The following PRKD1 variants were observed in gnomAD, a reference collection of about 807,000 sequenced individuals.
The protein encoded by PRKD1 is serine/threonine-protein kinase D1.
In PRKD1, 63 loss-of-function variants were observed where a neutral mutation model predicts 95.9. That is an observed-to-expected ratio of 0.66 (90% CI 0.54 to 0.81). The LOEUF is 0.81. Ranked by LOEUF, PRKD1 falls within the 30% of genes least tolerant of loss-of-function variation. PRKD1 has a pLI of 0.00. For missense variants in PRKD1, 1,048 were observed against 1,165.3 expected (o/e 0.90, Z 1.47); for synonymous variants, 425 against 423.1 (o/e 1.00, Z -0.05).
intron 16 of PRKD1, among the ~76,000 whole-genome samples, chr14:29,595,983 C>T (rs1249794842): frequency 1.3e-5 from 2 of 152,212 alleles, no homozygotes; most frequent in Non-Finnish European, 2.9e-5. Flanking sequence ...TTACACTTTA[C>T]TTTTCATCTT....
rs529824504 is a variant in PRKD1, at chr14:29,761,985, T to C, written c.265-36311A>G. On this transcript the variant is annotated intron_variant, in intron 1 of 17. Coordinates refer to ENST00000331968, the MANE Select transcript of PRKD1 (RefSeq NM_002742.3). ...TGGGGTCTCACTATGTTCCCCAGGA[T>C]GGCCTTGAACTTTGAGGCTCAAATA... 2.2e-4 allele frequency among the ~76,000 whole-genome samples: 34 copies of C among 152,082 alleles called. 1 individual carries two copies. The highest frequency in any genetic ancestry group is 1.6e-3 in the Admixed American group (25 of 15,278).
At chr14:29,788,033 T>C (rs1401194964) in intron 1 of PRKD1, among the ~76,000 whole-genome samples, 4 of 152,192 alleles carry the variant, frequency 2.6e-5, no homozygotes, top group Admixed American at 2.0e-4. Flanking sequence ...CTTTCATATG[T>C]TTTCATGTGG....
At chr14:29,620,691 G>A (rs1879187772) in intron 13 of PRKD1, among the ~76,000 whole-genome samples, 1 of 152,208 alleles carries the variant, frequency 6.6e-6, no homozygotes, top group African/African-American at 2.4e-5. Context: ...TGCTGGAGAG[G>A]ATGTGGAGAA....
chr14:29,621,091 C>CAAAA (rs36196814), intron 13 of PRKD1, among the ~76,000 whole-genome samples: 1 of 143,420 alleles, frequency 7.0e-6, no homozygotes, highest in East Asian at 2.0e-4. Context: ...ATCGCAAGGA[C>CAAAA]AAAAAAAAAC....
At chr14:29,702,819 A>G (rs1199799149) in intron 2 of PRKD1, among the ~76,000 whole-genome samples, 1 of 152,148 alleles carries the variant, frequency 6.6e-6, no homozygotes, top group Non-Finnish European at 1.5e-5. Flanking sequence ...TCCTGAGACC[A>G]TTTTAGCAAT....
At chr14:29,838,150 A>G (rs1452846280) in intron 1 of PRKD1, among the ~76,000 whole-genome samples, 1 of 152,192 alleles carries the variant, frequency 6.6e-6, no homozygotes. Flanking sequence ...TTTTTATAAT[A>G]CCTTTAGATA....
rs1880567126 is a variant in PRKD1, at chr14:29,638,902, T to C, written c.699A>G (p.Gln233=). 8 of 1,613,916 alleles carry C rather than the reference T, an allele frequency of 5.0e-6. No homozygotes were observed. The highest frequency in any genetic ancestry group is 2.2e-5 in the South Asian group (2 of 91,070). ...STSAPDEPLL[Q]KSPSESFIGR... ...CAATAAACGACTCTGATGGTGATTT[T>C]TGCTACATTTTGGAAAACAATAAAG... Residue 233 remains glutamine (Q), a splice_region_variant and synonymous_variant, in exon 5 of 18, where the codon CAA becomes CAG. Coordinates refer to ENST00000331968, the MANE Select transcript of PRKD1 (RefSeq NM_002742.3).
At chr14:29,804,610 T>C (rs1208789153) in intron 1 of PRKD1, among the ~76,000 whole-genome samples, 2 of 151,258 alleles carry the variant, frequency 1.3e-5, no homozygotes, top group African/African-American at 2.4e-5. Context: ...AAATGCATCC[T>C]AATGTTTAAA....
At chr14:29,900,192 T>C (rs190627856) in intron 1 of PRKD1, among the ~76,000 whole-genome samples, 105 of 152,274 alleles carry the variant, frequency 6.9e-4, no homozygotes, top group African/African-American at 2.5e-3. Flanking sequence ...CCCATAACAA[T>C]CCTAAATGTC....
At chr14:29,743,780 T>TTGCCAGCTTCTATGGG (rs1327739553) in intron 1 of PRKD1, among the ~76,000 whole-genome samples, 1 of 152,208 alleles carries the variant, frequency 6.6e-6, no homozygotes, top group African/African-American at 2.4e-5. Flanking sequence ...GCCCTTCACA[T>TTGCCAGCTTCTATGGG]TGCCAGCTTC....
chr14:29,898,489 T>G (rs1894208841), intron 1 of PRKD1, among the ~76,000 whole-genome samples: 2 of 152,182 alleles, frequency 1.3e-5, no homozygotes, highest in African/African-American at 4.8e-5. Context: ...GTTTATGGAA[T>G]AAATAAATTC....
At chr14:29,910,769 G>A (rs927878011) in intron 1 of PRKD1, among the ~76,000 whole-genome samples, 5 of 152,114 alleles carry the variant, frequency 3.3e-5, no homozygotes, top group Non-Finnish European at 7.4e-5. Context: ...TTCTTGAAGT[G>A]ATAGAATCAC....
intron 15 of PRKD1, 50 bp from the exon 16 acceptor site, chr14:29,597,808 G>C (rs756264186): frequency 2.6e-6 from 4 of 1,538,552 alleles, no homozygotes; most frequent in African/African-American, 1.4e-5. Context: ...TTGTGTGTCT[G>C]TGTGTCTTAG....
intron 13 of PRKD1, among the ~76,000 whole-genome samples, chr14:29,604,386 C>A (rs946168907): frequency 6.6e-6 from 1 of 152,098 alleles, no homozygotes; most frequent in Non-Finnish European, 1.5e-5. Flanking sequence ...AGGAGCAGTG[C>A]AGTCTTAATA....
intron 1 of PRKD1, among the ~76,000 whole-genome samples, chr14:29,851,761 C>A (rs1300876315): frequency 6.6e-6 from 1 of 151,978 alleles, no homozygotes; most frequent in Non-Finnish European, 1.5e-5. Flanking sequence ...AATCATTCTA[C>A]CAAAAAGACA....
At chr14:29,718,074 C>A (rs1566558594) in intron 2 of PRKD1, among the ~76,000 whole-genome samples, 2 of 152,168 alleles carry the variant, frequency 1.3e-5, no homozygotes, top group South Asian at 2.1e-4. Context: ...ACATTCCAAT[C>A]TGCTTGCTGT....
chr14:29,668,949 C>A (rs981603313), intron 2 of PRKD1, among the ~76,000 whole-genome samples: 5 of 152,216 alleles, frequency 3.3e-5, no homozygotes, highest in African/African-American at 1.2e-4. Flanking sequence ...TGAACTGAGG[C>A]AGTCCTGACA....
At chr14:29,700,661 T>C (rs1884779975) in intron 2 of PRKD1, among the ~76,000 whole-genome samples, 1 of 152,176 alleles carries the variant, frequency 6.6e-6, no homozygotes, top group African/African-American at 2.4e-5. Context: ...ATTCTAGATA[T>C]TTCTGTGAAG....
chr14:29,594,048 G>T (rs190010205), intron 16 of PRKD1: 1 of 420,404 alleles, frequency 2.4e-6, no homozygotes. Context: ...AACCTCTCTG[G>T]GTTCTCTCTA....
Sources: allele counts gnomAD v4.1 joint callset (sites outside exome capture counted in the v4.1 genomes callset), GRCh38; gene constraint gnomAD v4.1.1; transcripts MANE v1.5; gene names NCBI Gene and HGNC (gene_info 2026-07-23, HGNC 2026-07-21).